RTTN: variants seen among roughly 807,000 people sequenced by gnomAD.
The protein encoded by RTTN is rotatin.
RTTN carries 182 observed loss-of-function variants against 269.2 expected under a neutral mutation model. The observed-to-expected ratio is 0.68, with a 90% CI of 0.60 to 0.76. RTTN has a LOEUF of 0.76. Among genes scored for constraint, RTTN ranks in the 30% least tolerant of loss-of-function variants. The probability of loss-of-function intolerance (pLI) is 0.00; values close to 1 mark genes in which losing one functional copy is unlikely to be tolerated. For synonymous variants in RTTN, 1,006 were observed against 963.5 expected (o/e 1.04, Z -0.82); for missense variants, 2,545 against 2,608.6 (o/e 0.98, Z 0.53).
intron 40 of RTTN, among the ~76,000 whole-genome samples, chr18:70,044,531 C>G (rs551863752): frequency 1.3e-5 from 2 of 152,220 alleles, no homozygotes; most frequent in South Asian, 2.1e-4. Flanking sequence ...GTACCCAACT[C>G]CATATATTCT....
chr18:70,071,669 G>T (rs1233612842), intron 34 of RTTN, among the ~76,000 whole-genome samples: 2 of 152,196 alleles, frequency 1.3e-5, no homozygotes, highest in Non-Finnish European at 2.9e-5. Context: ...TCTATCTGCA[G>T]TTTATCAAAC....
intron 32 of RTTN, among the ~76,000 whole-genome samples, chr18:70,079,102 T>C (rs545240748): frequency 6.6e-6 from 1 of 152,240 alleles, no homozygotes; most frequent in East Asian, 1.9e-4. Flanking sequence ...TATTTAGATA[T>C]ACAGTGGTAA....
chr18:70,099,468 T>C (rs1009476839), intron 28 of RTTN, among the ~76,000 whole-genome samples: 13 of 152,226 alleles, frequency 8.5e-5, no homozygotes, highest in Admixed American at 2.6e-4. Flanking sequence ...TCTTTATAGA[T>C]TCTGGATATT....
intron 4 of RTTN, among the ~76,000 whole-genome samples, chr18:70,200,024 T>G (rs1247815069): frequency 6.6e-6 from 1 of 152,234 alleles, no homozygotes; most frequent in African/African-American, 2.4e-5. Flanking sequence ...CGAACAAGAT[T>G]AAAAGAAATC....
rs1460254363 is a variant in RTTN at position 70,140,176 on chromosome 18, T to C, written c.2594A>G (p.His865Arg). 6.4e-7 allele frequency: 1 copy of C among 1,565,344 alleles called. No individual in the cohort carries two copies. ...LAVIMQDIKM[H>R]AVVKKLCLID... Reference sequence around the variant, plus strand: ...TAAGCATAACTTTTTCACCACAGCATGCATTTTAATATCTGTAGATAAAAA... The same window carrying C: ...TAAGCATAACTTTTTCACCACAGCACGCATTTTAATATCTGTAGATAAAAA... The change falls in exon 20 of 49, where the codon CAT becomes CGT. Residue 865 changes from histidine to arginine, a missense_variant. His to Arg is a conservative substitution (Grantham distance 29, BLOSUM62 0). Transcript: ENST00000640769.
At chr18:70,046,385 G>A (rs1027995787) in intron 40 of RTTN, among the ~76,000 whole-genome samples, 3 of 152,080 alleles carry the variant, frequency 2.0e-5, no homozygotes, top group Admixed American at 6.5e-5. Context: ...ATTCTCTGAC[G>A]AGCCAAGTGT....
intron 45 of RTTN, chr18:70,019,591 T>A (rs188530062): frequency 6.6e-6 from 1 of 152,270 alleles, no homozygotes; most frequent in African/African-American, 2.4e-5. Flanking sequence ...GTAGAAAAGA[T>A]CCAAGATTTG....
chr18:70,203,236 G>A (rs2146195816), intron 3 of RTTN, among the ~76,000 whole-genome samples: 1 of 151,274 alleles, frequency 6.6e-6, no homozygotes, highest in South Asian at 2.1e-4. Flanking sequence ...GTCTTGCTCT[G>A]TCACCCAGGC....
At chr18:70,049,602 C>A (rs566303122) in intron 39 of RTTN, among the ~76,000 whole-genome samples, 4 of 152,010 alleles carry the variant, frequency 2.6e-5, no homozygotes, top group Admixed American at 2.0e-4. Context: ...TAAAAAAAAT[C>A]GGTCAGTTGA....
rs999963420 is a variant in RTTN, at chr18:70,142,471, G to A, written c.2482-84C>T. 5 of 763,580 alleles carry A rather than the reference G, an allele frequency of 6.5e-6. No homozygotes were observed. The African/African-American group carries it at 8.9e-5, about 14-fold the overall frequency. The allele number at this position is 763,580 out of a possible 1,614,324, so 47.3% of individuals were successfully genotyped here. A position where few individuals can be genotyped will look rare whatever the true frequency, so the allele number is the denominator to read the frequency against. On this transcript the variant is annotated intron_variant, in intron 18 of 48. Transcript: ENST00000640769. ...TAAGATTTTATAGTTTGTGCCCTAT[G>A]AACAAAAGCTCAAAAAGTCAACTTA...
At chr18:70,029,623 T>C (rs1195473918) in intron 42 of RTTN, among the ~76,000 whole-genome samples, 1 of 152,194 alleles carries the variant, frequency 6.6e-6, no homozygotes, top group Non-Finnish European at 1.5e-5. Context: ...AAATATGAAA[T>C]GTTTCAATAG....
chr18:70,041,922 C>A (rs1187718919), intron 40 of RTTN, among the ~76,000 whole-genome samples: 1 of 152,002 alleles, frequency 6.6e-6, no homozygotes, highest in Non-Finnish European at 1.5e-5. Context: ...GACAAGCCTA[C>A]AAAATAACCC....
At chr18:70,094,730 C>T (rs59059522) in intron 28 of RTTN, among the ~76,000 whole-genome samples, 1,522 of 151,988 alleles carry the variant, frequency 0.01, 34 homozygotes, top group East Asian at 0.039. Context: ...AGAATAAGTG[C>T]GATGTGGTGC....
At chr18:70,039,541 T>C (rs907372471) in intron 40 of RTTN, among the ~76,000 whole-genome samples, 4 of 152,196 alleles carry the variant, frequency 2.6e-5, no homozygotes, top group African/African-American at 9.7e-5. Context: ...ACTAGACCTG[T>C]CCTACAAGAA....
chr18:70,079,729 T>C (rs1381353232), intron 32 of RTTN, among the ~76,000 whole-genome samples: 2 of 152,186 alleles, frequency 1.3e-5, no homozygotes, highest in Admixed American at 6.5e-5. Flanking sequence ...CCATTACAAA[T>C]ACATTTACAA....
At chr18:70,153,121 C>A (rs1307292791) in intron 14 of RTTN, among the ~76,000 whole-genome samples, 1 of 152,090 alleles carries the variant, frequency 6.6e-6, no homozygotes, top group Non-Finnish European at 1.5e-5. Flanking sequence ...AGCCAGCCTA[C>A]ATAAATTTAG....
At chr18:70,155,764 G>A (rs1480468994) in intron 14 of RTTN, among the ~76,000 whole-genome samples, 1 of 152,228 alleles carries the variant, frequency 6.6e-6, no homozygotes, top group Non-Finnish European at 1.5e-5. Flanking sequence ...CTGAAGCCAT[G>A]GGAGAAGAAT....
At chr18:70,089,935 A>T (rs1285985415) in intron 30 of RTTN, among the ~76,000 whole-genome samples, 6 of 152,362 alleles carry the variant, frequency 3.9e-5, no homozygotes, top group African/African-American at 1.4e-4. Flanking sequence ...CAAGAACAAG[A>T]TTTGAAAAAT....
chr18:70,099,932 T>C (rs560452159), intron 28 of RTTN, among the ~76,000 whole-genome samples: 1,754 of 152,294 alleles, frequency 0.012, 37 homozygotes, highest in Non-Finnish European at 0.012. Context: ...TCTGTTCCAT[T>C]GGTCTATATC....
Sources: allele counts gnomAD v4.1 joint callset (sites outside exome capture counted in the v4.1 genomes callset), GRCh38; gene constraint gnomAD v4.1.1; transcripts MANE v1.5; gene names NCBI Gene and HGNC (gene_info 2026-07-23, HGNC 2026-07-21).